The following POLE variants were observed in gnomAD, a reference collection of about 807,000 sequenced individuals.
POLE encodes the protein DNA polymerase epsilon, catalytic subunit.
Under a neutral mutation model 279.2 loss-of-function variants are expected in POLE, and 188 were observed. The ratio of observed to expected loss-of-function variants is 0.67; its 90% confidence interval spans 0.60 to 0.76. The LOEUF (loss-of-function observed/expected upper bound fraction) is 0.76. Ranked by LOEUF, POLE falls within the 30% of genes least tolerant of loss-of-function variation. The pLI, the probability that POLE is intolerant of heterozygous loss-of-function variation, is 0.00. For synonymous variants in POLE, 1,214 were observed against 1,172.5 expected (o/e 1.04, Z -0.72); for missense variants, 2,703 against 3,016.7 (o/e 0.90, Z 2.44).
intron 23 of POLE, among the ~76,000 whole-genome samples, chr12:132,662,909 C>T (rs907828968): frequency 1.3e-5 from 2 of 152,116 alleles, no homozygotes; most frequent in Non-Finnish European, 2.9e-5. Context: ...GACAAATAAA[C>T]GAGAACAAAT....
Position 132,666,128 on chromosome 12 carries a change from T to C in POLE, c.2320-678A>G, listed in dbSNP as rs1273860061. Among the ~76,000 whole-genome samples the C allele has an allele frequency of 4.6e-5, 7 of 152,198 alleles. No individual in the cohort carries two copies. In the East Asian group the frequency reaches 1.2e-3, roughly 25 times the overall value. On this transcript the variant is annotated intron_variant, in intron 20 of 48. Transcript: ENST00000320574. ...GACCTGAAGACGCACTTGCAGCCCA[T>C]GTTGAAACCAGGATTGCTCGCGACA... is the stretch of plus-strand genomic sequence containing the variant.
rs911555542 is a variant in POLE, at chr12:132,642,060, T to C, written c.5173+117A>G. ...CAGGACCGTCTCCTGCAGCCTCAGCTCTGACCTGCGCGGTCGAACTCTGAG... is the reference window on the plus strand; with the variant it reads ...CAGGACCGTCTCCTGCAGCCTCAGCCCTGACCTGCGCGGTCGAACTCTGAG... On this transcript the variant is annotated intron_variant, in intron 38 of 48. Coordinates refer to ENST00000320574, the MANE Select transcript of POLE (RefSeq NM_006231.4). 9 of 1,048,046 alleles carry C rather than the reference T, an allele frequency of 8.6e-6. No homozygotes were observed. The African/African-American group carries it at 1.4e-4, about 17-fold the overall frequency. 64.9% of individuals were successfully genotyped at this position (1,048,046 alleles called of 1,614,324 possible). A position where few individuals can be genotyped will look rare whatever the true frequency, so the allele number is the denominator to read the frequency against.
At chr12:132,647,697 T>C (rs1438057922) in intron 32 of POLE, among the ~76,000 whole-genome samples, 1 of 151,878 alleles carries the variant, frequency 6.6e-6, no homozygotes, top group Non-Finnish European at 1.5e-5. Context: ...GAGCTGATAG[T>C]CATAAAGGGA....
rs1449496793 is a variant in POLE at position 132,634,566 on chromosome 12, T to A, written c.5812-188A>T. ...GGGTGGCTCCCAGTACAAAGTGCTT[T>A]GTGGGAAGCGCCTGGCACACAGAAG... is the stretch of plus-strand genomic sequence containing the variant. On this transcript the variant is annotated intron_variant, in intron 42 of 48. Coordinates refer to ENST00000320574, the MANE Select transcript of POLE (RefSeq NM_006231.4). The surrounding 1 kb of genome is among the most constrained non-coding windows in gnomAD (Gnocchi z 4.0). Among the ~76,000 whole-genome samples the A allele has an allele frequency of 6.6e-6, 1 of 152,198 alleles. No homozygotes were observed. Among genetic ancestry groups the A allele is most frequent in the Admixed American group, 6.5e-5 (1 of 15,288 alleles).
rs1387507213 is a variant in POLE at position 132,668,793 on chromosome 12, C to T, written c.1923+18G>A. The T allele has an allele frequency of 9.9e-6, 16 of 1,613,652 alleles. No homozygotes were observed. The highest frequency in any genetic ancestry group is 6.6e-5 in the South Asian group (6 of 91,068). ...GGCAGAGAGAGCTCCGACTCTGACA[C>T]GGGAAGTAAAGTCTCACCTGCAGGC... On this transcript the variant is annotated intron_variant, in intron 17 of 48. Coordinates refer to ENST00000320574, the MANE Select transcript of POLE (RefSeq NM_006231.4). The surrounding 1 kb of genome is among the most constrained non-coding windows in gnomAD (Gnocchi z 4.0).
Position 132,661,796 on chromosome 12 carries a change from T to C in POLE, c.2707-112A>G, listed in dbSNP as rs2135950298. The C allele has an allele frequency of 1.9e-6, 2 of 1,044,960 alleles. No individual in the cohort carries two copies. Among genetic ancestry groups the C allele is most frequent in the Middle Eastern group, 6.3e-4 (2 of 3,154 alleles). The allele number at this position is 1,044,960 out of a possible 1,614,324, so 64.7% of individuals were successfully genotyped here. A position where few individuals can be genotyped will look rare whatever the true frequency, so the allele number is the denominator to read the frequency against. Reference sequence around the variant, plus strand: ...ATTGACAAACCGAGGCTTTTCCACATAACTAACACGACTTGGCAGCAGGAA... The same window carrying C: ...ATTGACAAACCGAGGCTTTTCCACACAACTAACACGACTTGGCAGCAGGAA... On this transcript the variant is annotated intron_variant, in intron 23 of 48. Coordinates refer to ENST00000320574, the MANE Select transcript of POLE (RefSeq NM_006231.4). This position sits in a 1 kb window ranked among gnomAD's most constrained non-coding sequence, Gnocchi z 4.1.
chr12:132,670,644 C>A (rs1181236765), intron 16 of POLE, among the ~76,000 whole-genome samples: 1 of 151,584 alleles, frequency 6.6e-6, no homozygotes, highest in Admixed American at 6.6e-5. Flanking sequence ...GTGCCCGCCA[C>A]CACGCCCGGC....
chr12:132,642,095 G>A (rs1198266430), intron 38 of POLE, 82 bp downstream of exon 38: 28 of 1,257,658 alleles, frequency 2.2e-5, no homozygotes, highest in African/African-American at 6.0e-5. Context: ...GCCCATCCTC[G>A]GCACTATTGC....
chr12:132,662,942 T>A lies in POLE; in HGVS notation c.2706+1062A>T, dbSNP rs761759046. The stretch of plus-strand genomic sequence containing the variant: ...AATGGAAGAGAAGGATAGCAACGCT[T>A]CCCTACAGGATCCCAATTGATACAG... On this transcript the variant is annotated intron_variant, in intron 23 of 48. Transcript: ENST00000320574. Among the ~76,000 whole-genome samples the A allele has an allele frequency of 1.4e-3, 220 of 152,254 alleles. 1 individual carries two copies. The highest frequency in any genetic ancestry group is 2.5e-3 in the Non-Finnish European group (171 of 68,012).
At position 132,643,864 on chromosome 12, in the gene POLE, T is replaced by C; in HGVS notation, c.4263A>G (p.Pro1421=). ...INEINAELSA[P]DIEGVYETQV... Reference sequence around the variant, plus strand: ...GAGTCTCATATACGCCCTCGATGTCTGGCGCTGACAGCTCAGCGTTGATCT... The same window carrying C: ...GAGTCTCATATACGCCCTCGATGTCCGGCGCTGACAGCTCAGCGTTGATCT... Residue 1421 remains proline, a synonymous_variant, in exon 33 of 49, where the codon CCA becomes CCG. Coordinates refer to ENST00000320574, the MANE Select transcript of POLE (RefSeq NM_006231.4). 2 of 1,614,170 alleles carry C rather than the reference T, an allele frequency of 1.2e-6. No individual in the cohort carries two copies. Among genetic ancestry groups the C allele is most frequent in the Non-Finnish European group, 1.7e-6 (2 of 1,179,998 alleles).
intron 29 of POLE, chr12:132,650,167 C>T (rs1188140289): frequency 9.2e-6 from 4 of 436,208 alleles, no homozygotes; most frequent in African/African-American, 7.9e-5. Context: ...TATGATCACA[C>T]CACTGAACTC....
chr12:132,654,047 T>C (rs1357444068), intron 29 of POLE, among the ~76,000 whole-genome samples: 2 of 152,232 alleles, frequency 1.3e-5, no homozygotes, highest in African/African-American at 4.8e-5. Context: ...ATATTGTTAT[T>C]GTTCATGTAT....
chr12:132,642,121 C>G, intron 38 of POLE, 56 bp downstream of exon 38: 1 of 1,394,094 alleles, frequency 7.2e-7, no homozygotes, highest in Admixed American at 2.1e-5. Context: ...GAAGATGTCA[C>G]AGAATGGCAG....
In POLE at chr12:132,642,903, G is replaced by T. The variant is rs147500308; in HGVS notation, c.4645C>A (p.Pro1549Thr). The T allele has an allele frequency of 3.7e-6, 6 of 1,613,602 alleles. No individual in the cohort carries two copies. The highest frequency in any genetic ancestry group is 1.7e-5 in the Admixed American group (1 of 59,900). Residue 1549 changes from proline (P) to threonine (T), a missense_variant, in exon 36 of 49, where the codon CCC becomes ACC. Physicochemically the swap from Pro to Thr is conservative, Grantham distance 38. This residue lies in a region of POLE where 1,551 missense variants were observed against 1,686.1 expected (regional missense o/e 0.92). Transcript: ENST00000320574. ...EKVGPELLPP[P>T]KHTFEVRAET... Reference sequence around the variant, plus strand: ...GCCCGAACTTCGAAGGTGTGTTTGGGGGGTGGCAGGAGCTCAGGGCCCACC... The same window carrying T: ...GCCCGAACTTCGAAGGTGTGTTTGGTGGGTGGCAGGAGCTCAGGGCCCACC...
intron 37 of POLE, 54 bp downstream of exon 37, chr12:132,642,452 C>T (rs1207420810): frequency 5.6e-6 from 9 of 1,599,566 alleles, no homozygotes; most frequent in African/African-American, 4.0e-5. Flanking sequence ...CAGAGACCAC[C>T]GAGGCCGGCT....
intron 45 of POLE, 91 bp downstream of exon 45, chr12:132,632,224 C>G (rs75076353): frequency 1.0e-6 from 1 of 970,924 alleles, no homozygotes; most frequent in African/African-American, 1.6e-5. Context: ...TCATGGTGCA[C>G]GCATTACAGC....
At chr12:132,683,765 G>T (rs2043215400) in intron 1 of POLE, among the ~76,000 whole-genome samples, 1 of 152,246 alleles carries the variant, frequency 6.6e-6, no homozygotes, top group African/African-American at 2.4e-5. Flanking sequence ...AAGTAAGTTG[G>T]ATTAAGTAGA....
intron 33 of POLE, 95 bp from the exon 34 acceptor site, chr12:132,643,655 A>G: frequency 6.4e-7 from 1 of 1,560,464 alleles, no homozygotes; most frequent in Admixed American, 1.7e-5. Context: ...GTGCCCCTGC[A>G]GCTGCCCGGC....
At chr12:132,635,477 G>A (rs1379310256) in intron 42 of POLE, among the ~76,000 whole-genome samples, 1 of 152,184 alleles carries the variant, frequency 6.6e-6, no homozygotes, top group Non-Finnish European at 1.5e-5. Context: ...CACGAAAGCC[G>A]AGGCCCTGCC....
Sources: gnomAD v4.1 joint callset for allele counts (sites outside exome capture counted in the v4.1 genomes callset) on GRCh38, gnomAD v4.1.1 for gene constraint, gnomAD v4.1.1 regional missense constraint, Gnocchi (gnomAD v3.1) non-coding constraint, MANE v1.5 for transcripts, NCBI Gene and HGNC (gene_info 2026-07-23, HGNC 2026-07-21) for gene names.